Variants in AFP observed in about 807,000 individuals in gnomAD.
AFP encodes alpha-fetoprotein.
Under a neutral mutation model 78.9 loss-of-function variants are expected in AFP, and 64 were observed. That is an observed-to-expected ratio of 0.81 (90% CI 0.66 to 1.00). The LOEUF (loss-of-function observed/expected upper bound fraction) is 1.00, where lower values mean the gene tolerates loss of function less well. AFP is among the 50% of genes least tolerant of loss of function. The pLI is 0.00. For synonymous variants in AFP, 254 were observed against 243.8 expected, an observed-to-expected ratio of 1.04 and a Z score of -0.39; for missense variants, 689 against 703.8, an observed-to-expected ratio of 0.98 and a Z score of 0.24.
intron 11 of AFP, 69 bp downstream of exon 11, chr4:73,450,822 C>A: frequency 1.2e-6 from 2 of 1,609,876 alleles, no homozygotes; most frequent in Non-Finnish European, 1.7e-6. Context: ...CTCATAATTC[C>A]CCTCTAGGGA....
At chr4:73,441,900 C>T (rs1489574430) in intron 4 of AFP, among the ~76,000 whole-genome samples, 1 of 152,174 alleles carries the variant, frequency 6.6e-6, no homozygotes, top group African/African-American at 2.4e-5. Context: ...GTGCATAACC[C>T]CATTCTGCAC....
At chr4:73,449,745 T>C (rs566421077) in intron 9 of AFP, among the ~76,000 whole-genome samples, 59 of 152,330 alleles carry the variant, frequency 3.9e-4, no homozygotes, top group South Asian at 6.2e-4. Context: ...GTAGTATTCA[T>C]TATTCATTTT....
chr4:73,445,857 T>C (rs2149334859), intron 7 of AFP, among the ~76,000 whole-genome samples: 1 of 152,308 alleles, frequency 6.6e-6, no homozygotes. Context: ...CATTGGCTTA[T>C]TTTGGCTAAC....
Position 73,442,376 on chromosome 4 carries a change from T to C in AFP, c.563T>C (p.Ile188Thr). ...ILLWAARYDK[I>T]IPSCCKAENA... ...CTTTGGGCTGCTCGCTATGACAAAATAATTCCATCTTGCTGCAAAGCTGAA... is the reference window on the plus strand; with the variant it reads ...CTTTGGGCTGCTCGCTATGACAAAACAATTCCATCTTGCTGCAAAGCTGAA... The change falls in exon 5 of 15, where the codon ATA becomes ACA. Residue 188 changes from isoleucine (I) to threonine (T), a missense_variant. Transcript: ENST00000395792. 6.2e-7 allele frequency: 1 copy of C among 1,614,094 alleles called. No individual in the cohort carries two copies. Among genetic ancestry groups the C allele is most frequent in the Non-Finnish European group, 8.5e-7 (1 of 1,179,976 alleles).
chr4:73,440,712 A>G lies in AFP; in HGVS notation c.381A>G (p.Ala127=), dbSNP rs1335021804. The change falls in exon 4 of 15, where the codon GCA becomes GCG. Residue 127 remains alanine (A), a synonymous_variant. Transcript: ENST00000395792. ...SEEGRHNCFL[A]HKKPTPASIP... is the part of the protein sequence containing the mutation. ...AGGGAAGACATAACTGTTTTCTTGC[A>G]CACAAAAAGCCCACTCCAGCATCGA... The G allele has an allele frequency of 3.1e-6, 5 of 1,614,196 alleles. No individual in the cohort carries two copies. The South Asian group carries it at 4.4e-5, about 14-fold the overall frequency.
intron 14 of AFP, 114 bp from the exon 15 acceptor site, chr4:73,455,517 A>G (rs924942953): frequency 1.5e-6 from 1 of 647,504 alleles, no homozygotes; most frequent in Non-Finnish European, 2.7e-6. Context: ...AACAAATGCT[A>G]TCAGAAGACT....
intron 11 of AFP, among the ~76,000 whole-genome samples, chr4:73,451,197 ATAT>A (rs1272737046): frequency 1.3e-5 from 2 of 152,120 alleles, no homozygotes; most frequent in African/African-American, 4.8e-5. Context: ...TTGTAACATG[ATAT>A]TATTATTATG....
intron 9 of AFP, 110 bp downstream of exon 9, chr4:73,449,577 A>G: frequency 2.3e-6 from 3 of 1,309,238 alleles, no homozygotes; most frequent in South Asian, 1.2e-5. Context: ...TTAGCCAGTT[A>G]TATCTATTTG....
In AFP at chr4:73,447,452, T is replaced by C. The variant is rs7667494; in HGVS notation, c.844-10T>C. ...TCTTTAAAACTTATACTTTATTTTC[T>C]CTGTTGCAGGAAAAAATCATGTCCT... On this transcript the variant is annotated splice_polypyrimidine_tract_variant and intron_variant, in intron 7 of 14. Transcript: ENST00000395792. 1 allele frequency: 1,579,078 copies of C among 1,579,772 alleles called. 789,195 individuals carry two copies. The highest frequency in any genetic ancestry group is 1 in the Middle Eastern group (4,992 of 4,992).
In AFP at chr4:73,449,420, G is replaced by C; in HGVS notation, c.1144G>C (p.Glu382Gln). Residue 382 changes from glutamate (E) to glutamine (Q), a missense_variant, in exon 9 of 15, where the codon GAG (glutamate) becomes CAG (glutamine). Transcript: ENST00000395792. ...RVAKGYQELL[E>Q]KCFQTENPLE... ...TGCTAAAGGATACCAGGAGTTATTG[G>C]AGAAGTGTTTCCAGACTGAAAACCC... The C allele has an allele frequency of 6.2e-7, 1 of 1,613,594 alleles. No homozygotes were observed. The highest frequency in any genetic ancestry group is 8.5e-7 in the Non-Finnish European group (1 of 1,179,646).
At chr4:73,448,464 G>C (rs1225691411) in intron 8 of AFP, among the ~76,000 whole-genome samples, 1 of 151,994 alleles carries the variant, frequency 6.6e-6, no homozygotes, top group African/African-American at 2.4e-5. Context: ...CTTTAATATT[G>C]CCTGAAGATA....
At chr4:73,438,333 T>G in intron 3 of AFP, 27 bp downstream of exon 3, 1 of 1,593,826 alleles carries the variant, frequency 6.3e-7, no homozygotes, top group South Asian at 1.1e-5. Flanking sequence ...AAAAAAGCAT[T>G]GTGATATTTG....
chr4:73,450,413 G>A (rs1719958992), intron 10 of AFP: 1 of 713,984 alleles, frequency 1.4e-6, no homozygotes, highest in Non-Finnish European at 2.3e-6. Flanking sequence ...TTTTCATTGT[G>A]ATATGCTTCT....
chr4:73,449,530 G>A (rs1033000186), intron 9 of AFP, 63 bp downstream of exon 9: 18 of 1,591,624 alleles, frequency 1.1e-5, no homozygotes, highest in Non-Finnish European at 1.5e-5. Flanking sequence ...TGTTAAAAAT[G>A]CTGTTTGTTT....
At chr4:73,447,760 T>C in intron 8 of AFP, 84 bp downstream of exon 8, 1 of 1,194,450 alleles carries the variant, frequency 8.4e-7, no homozygotes, top group South Asian at 1.3e-5. Context: ...TGGAGAGTGA[T>C]GATTATGGTT....
At position 73,447,601 on chromosome 4, in the gene AFP, C is replaced by A. The variant is rs1288550591; in HGVS notation, c.983C>A (p.Pro328Gln). The A allele has an allele frequency of 1.2e-6, 2 of 1,611,940 alleles. No homozygotes were observed. The highest frequency in any genetic ancestry group is 1.7e-6 in the Non-Finnish European group (2 of 1,179,670). ...GATGAAAAACCTGAAGGTCTATCTC[C>A]AAATCTAAACAGGTTTTTAGGAGAT... Reference protein sequence around the residue: ...ENDEKPEGLSPNLNRFLGDRD... With the variant: ...ENDEKPEGLSQNLNRFLGDRD... The change falls in exon 8 of 15, where the codon CCA becomes CAA. Residue 328 changes from proline to glutamine, a missense_variant. Coordinates refer to ENST00000395792, the MANE Select transcript of AFP (RefSeq NM_001134.3).
At chr4:73,443,229 A>G (rs925972321) in intron 5 of AFP, 118 bp from the exon 6 acceptor site, 1 of 804,246 alleles carries the variant, frequency 1.2e-6, no homozygotes, top group Non-Finnish European at 2.1e-6. Context: ...AATTTTTAGT[A>G]AAAAACATAT....
chr4:73,453,140 TC>T (rs760651978), intron 12 of AFP, among the ~76,000 whole-genome samples: 5 of 152,224 alleles, frequency 3.3e-5, no homozygotes, highest in Non-Finnish European at 7.3e-5. Context: ...GAGCTTATGT[TC>T]TTCAAACTCC....
intron 13 of AFP, 66 bp downstream of exon 13, chr4:73,453,963 G>A: frequency 1.3e-6 from 2 of 1,578,748 alleles, no homozygotes; most frequent in Non-Finnish European, 1.7e-6. Context: ...ATAATGAAAG[G>A]AAGACCCTAC....
Sources: allele counts gnomAD v4.1 joint callset (sites outside exome capture counted in the v4.1 genomes callset), GRCh38; gene constraint gnomAD v4.1.1; transcripts MANE v1.5; gene names NCBI Gene and HGNC (gene_info 2026-07-23, HGNC 2026-07-21).